The following POLR2I variants were observed in gnomAD, a reference collection of about 807,000 sequenced individuals.
The protein encoded by POLR2I is RNA polymerase II subunit I, also known as DNA-directed RNA polymerase II subunit RPB9.
POLR2I carries 15 observed loss-of-function variants against 23.0 expected under a neutral mutation model. That is an observed-to-expected ratio of 0.65 (90% CI 0.44 to 1.00). The LOEUF (loss-of-function observed/expected upper bound fraction) is 1.00, where lower values mean the gene tolerates loss of function less well. POLR2I is among the 50% of genes least tolerant of loss of function. POLR2I has a pLI of 0.00. For missense variants in POLR2I, 120 were observed against 173.7 expected, an observed-to-expected ratio of 0.69 and a Z score of 1.74; for synonymous variants, 72 against 65.4, an observed-to-expected ratio of 1.10 and a Z score of -0.49.
chr19:36,114,058 T>A lies in POLR2I; in HGVS notation c.272A>T (p.His91Leu). ...TGACTGGAAGAACACAGCCTCCTTGTGGCCGCACCTGAGAGGGTAGGGGCT... is the reference window on the plus strand; with the variant it reads ...TGACTGGAAGAACACAGCCTCCTTGAGGCCGCACCTGAGAGGGTAGGGGCT... ...TEDHPCQKCG[H>L]KEAVFFQSHS... is the part of the protein sequence containing the mutation. Residue 91 changes from histidine (H) to leucine (L), a missense_variant, in exon 5 of 6, where the codon CAC (histidine) becomes CTC (leucine). Physicochemically the swap from His to Leu is moderately conservative, Grantham distance 99. Transcript: ENST00000221859. This position sits in a 1 kb window ranked among gnomAD's most constrained non-coding sequence, Gnocchi z 4.5. 4 of 1,614,042 alleles carry A rather than the reference T, an allele frequency of 2.5e-6. No individual in the cohort carries two copies. Among genetic ancestry groups the A allele is most frequent in the Non-Finnish European group, 3.4e-6 (4 of 1,179,974 alleles).
chr19:36,114,766 C>A lies in POLR2I; in HGVS notation c.59+32G>T, dbSNP rs372170589. On this transcript the variant is annotated intron_variant, in intron 1 of 5. Coordinates refer to ENST00000221859, the MANE Select transcript of POLR2I (RefSeq NM_006233.5). This position sits in a 1 kb window ranked among gnomAD's most constrained non-coding sequence, Gnocchi z 4.5. The stretch of plus-strand genomic sequence containing the variant: ...TAGTTCTGGAGCCATTCCTCGCCCG[C>A]CTTCTAACATCACCCGCTCCCTCCG... 2 of 1,613,902 alleles carry A rather than the reference C, an allele frequency of 1.2e-6. No homozygotes were observed. The highest frequency in any genetic ancestry group is 1.7e-6 in the Non-Finnish European group (2 of 1,179,868).
In POLR2I at chr19:36,114,749, G is replaced by A. The variant is rs773509219; in HGVS notation, c.60-36C>T. 1 of 1,613,810 alleles carries A rather than the reference G, an allele frequency of 6.2e-7. No individual in the cohort carries two copies. Among genetic ancestry groups the A allele is most frequent in the Non-Finnish European group, 8.5e-7 (1 of 1,179,714 alleles). The stretch of plus-strand genomic sequence containing the variant: ...GGGGAGGTGCCAGGGGTTAGTTCTG[G>A]AGCCATTCCTCGCCCGCCTTCTAAC... On this transcript the variant is annotated intron_variant, in intron 1 of 5. Coordinates refer to ENST00000221859, the MANE Select transcript of POLR2I (RefSeq NM_006233.5). This position sits in a 1 kb window ranked among gnomAD's most constrained non-coding sequence, Gnocchi z 4.5.
rs1185365579 is a variant in POLR2I at position 36,114,584 on chromosome 19, G to A, written c.114+75C>T. 5.5e-6 allele frequency: 8 copies of A among 1,445,086 alleles called. No homozygotes were observed. The highest frequency in any genetic ancestry group is 1.4e-5 in the African/African-American group (1 of 71,906). 89.5% of individuals were successfully genotyped at this position (1,445,086 alleles called of 1,614,324 possible). On this transcript the variant is annotated intron_variant, in intron 2 of 5. Transcript: ENST00000221859. This position sits in a 1 kb window ranked among gnomAD's most constrained non-coding sequence, Gnocchi z 4.5. The stretch of plus-strand genomic sequence containing the variant: ...GCAGCGGAGGGCGAACAGGGAGTCC[G>A]ATCACAGAGGCAGGGGGCAGGGCGG...
At position 36,113,815 on chromosome 19, in the gene POLR2I, G is replaced by T; in HGVS notation, c.318C>A (p.Asp106Glu). 3 of 1,612,570 alleles carry T rather than the reference G, an allele frequency of 1.9e-6. No homozygotes were observed. Among genetic ancestry groups the T allele is most frequent in the Non-Finnish European group, 2.5e-6 (3 of 1,179,858 alleles). Reference protein sequence around the residue: ...FFQSHSARAEDAMRLYYVCTA... With the variant: ...FFQSHSARAEEAMRLYYVCTA... ...TGCACACGTAGTAAAGGCGCATGGCGTCCTGGCAGAAATGATGCATGGTTA... is the reference window on the plus strand; with the variant it reads ...TGCACACGTAGTAAAGGCGCATGGCTTCCTGGCAGAAATGATGCATGGTTA... The change falls in exon 6 of 6, where the codon GAC becomes GAA. Residue 106 changes from aspartate to glutamate, a missense_variant and splice_region_variant. Physicochemically the swap from Asp to Glu is conservative, Grantham distance 45. Coordinates refer to ENST00000221859, the MANE Select transcript of POLR2I (RefSeq NM_006233.5).
chr19:36,114,579 A>T lies in POLR2I; in HGVS notation c.114+80T>A. ...GAGGTGCAGCGGAGGGCGAACAGGG[A>T]GTCCGATCACAGAGGCAGGGGGCAG... On this transcript the variant is annotated intron_variant, in intron 2 of 5. Coordinates refer to ENST00000221859, the MANE Select transcript of POLR2I (RefSeq NM_006233.5). This position sits in a 1 kb window ranked among gnomAD's most constrained non-coding sequence, Gnocchi z 4.5. The T allele has an allele frequency of 7.1e-7, 1 of 1,406,198 alleles. No homozygotes were observed. The highest frequency in any genetic ancestry group is 1.2e-5 in the South Asian group (1 of 83,794). 87.1% of individuals were successfully genotyped at this position (1,406,198 alleles called of 1,614,324 possible).
chr19:36,114,456 TC>T lies in POLR2I; in HGVS notation c.115-45del. 1 of 1,579,876 alleles carries T rather than the reference TC, an allele frequency of 6.3e-7. No individual in the cohort carries two copies. Among genetic ancestry groups the T allele is most frequent in the Non-Finnish European group, 8.7e-7 (1 of 1,149,410 alleles). ...GGGGGAAAGGGGGTCACGGAAGGAT[TC>T]CAGACAAGATTGGGAGGAGAGGGCA... is the stretch of plus-strand genomic sequence containing the variant. On this transcript the variant is annotated intron_variant, in intron 2 of 5. Coordinates refer to ENST00000221859, the MANE Select transcript of POLR2I (RefSeq NM_006233.5). The surrounding 1 kb of genome is among the most constrained non-coding windows in gnomAD (Gnocchi z 4.5).
Position 36,114,859 on chromosome 19 carries a change from C to A in POLR2I, c.-3G>T. 6.2e-7 allele frequency: 1 copy of A among 1,613,252 alleles called. No individual in the cohort carries two copies. The highest frequency in any genetic ancestry group is 8.5e-7 in the Non-Finnish European group (1 of 1,179,954). On this transcript the variant is annotated 5_prime_UTR_variant, in exon 1 of 6. Coordinates refer to ENST00000221859, the MANE Select transcript of POLR2I (RefSeq NM_006233.5). The surrounding 1 kb of genome is among the most constrained non-coding windows in gnomAD (Gnocchi z 4.5). The stretch of plus-strand genomic sequence containing the variant: ...TCGTAAGTCCCGTCGGGCTCCATGG[C>A]GACGCGCAGCCCGCGCAGCCCTCCC...
At position 36,114,268 on chromosome 19, in the gene POLR2I, G is replaced by C. The variant is rs777495378; in HGVS notation, c.189-17C>G. ...GTCAGTTCGCTGCAGGGACGCGGGG[G>C]TGCAAAATTACGCTCAGACCCAGCC... On this transcript the variant is annotated splice_polypyrimidine_tract_variant and intron_variant, in intron 3 of 5. Coordinates refer to ENST00000221859, the MANE Select transcript of POLR2I (RefSeq NM_006233.5). This position sits in a 1 kb window ranked among gnomAD's most constrained non-coding sequence, Gnocchi z 4.5. 6.2e-7 allele frequency: 1 copy of C among 1,613,982 alleles called. No homozygotes were observed. Among genetic ancestry groups the C allele is most frequent in the Admixed American group, 1.7e-5 (1 of 60,006 alleles).
rs1199879280 is a variant in POLR2I, at chr19:36,114,511, ACT to A, written c.115-101_115-100del. 3.7e-6 allele frequency: 5 copies of A among 1,352,864 alleles called. No individual in the cohort carries two copies. Among genetic ancestry groups the A allele is most frequent in the African/African-American group, 1.4e-5 (1 of 69,756 alleles). The allele number at this position is 1,352,864 out of a possible 1,614,324, so 83.8% of individuals were successfully genotyped here. On this transcript the variant is annotated intron_variant, in intron 2 of 5. Transcript: ENST00000221859. This position sits in a 1 kb window ranked among gnomAD's most constrained non-coding sequence, Gnocchi z 4.5. ...TGATCCCGGAGGATATGACGACAGG[ACT>A]CTCTTTGGGGATGGGCAGGACATGA...
rs202044151 is a variant in POLR2I, at chr19:36,114,610, G to C, written c.114+49C>G. On this transcript the variant is annotated intron_variant, in intron 2 of 5. Coordinates refer to ENST00000221859, the MANE Select transcript of POLR2I (RefSeq NM_006233.5). The surrounding 1 kb of genome is among the most constrained non-coding windows in gnomAD (Gnocchi z 4.5). ...ATCACAGAGGCAGGGGGCAGGGCGG[G>C]GCCACGCTGGGAACAGGTGGACCTG... The C allele has an allele frequency of 2.5e-5, 39 of 1,560,466 alleles. No homozygotes were observed. The highest frequency in any genetic ancestry group is 1.9e-4 in the Admixed American group (11 of 58,896).
chr19:36,114,496 G>A lies in POLR2I; in HGVS notation c.115-84C>T. 3 of 1,405,070 alleles carry A rather than the reference G, an allele frequency of 2.1e-6. No homozygotes were observed. Among genetic ancestry groups the A allele is most frequent in the Non-Finnish European group, 3.0e-6 (3 of 994,496 alleles). 87.0% of individuals were successfully genotyped at this position (1,405,070 alleles called of 1,614,324 possible). A position where few individuals can be genotyped will look rare whatever the true frequency, so the allele number is the denominator to read the frequency against. On this transcript the variant is annotated intron_variant, in intron 2 of 5. Transcript: ENST00000221859. The surrounding 1 kb of genome is among the most constrained non-coding windows in gnomAD (Gnocchi z 4.5). ...GAGGAGAGGGCAGGGTGATCCCGGAGGATATGACGACAGGACTCTCTTTGG... is the reference window on the plus strand; with the variant it reads ...GAGGAGAGGGCAGGGTGATCCCGGAAGATATGACGACAGGACTCTCTTTGG...
Position 36,114,395 on chromosome 19 carries a change from G to A in POLR2I, c.132C>T (p.Tyr44=). 2 of 1,614,046 alleles carry A rather than the reference G, an allele frequency of 1.2e-6. No homozygotes were observed. Among genetic ancestry groups the A allele is most frequent in the Non-Finnish European group, 1.7e-6 (2 of 1,179,982 alleles). Residue 44 remains tyrosine (Y), a synonymous_variant, in exon 3 of 6, where the codon TAC becomes TAT. Coordinates refer to ENST00000221859, the MANE Select transcript of POLR2I (RefSeq NM_006233.5). This position sits in a 1 kb window ranked among gnomAD's most constrained non-coding sequence, Gnocchi z 4.5. ...TGCAGCTGTTGTCGGCCTCCTGCTGGTAATCACAGTTCCGGCACTACGAGA... is the reference window on the plus strand; with the variant it reads ...TGCAGCTGTTGTCGGCCTCCTGCTGATAATCACAGTTCCGGCACTACGAGA... ...ILLYACRNCD[Y]QQEADNSCIY... is the part of the protein sequence containing the mutation.
Position 36,114,724 on chromosome 19 carries a change from G to C in POLR2I, c.60-11C>G. The C allele has an allele frequency of 1.2e-6, 2 of 1,613,346 alleles. No individual in the cohort carries two copies. The highest frequency in any genetic ancestry group is 1.7e-6 in the Non-Finnish European group (2 of 1,179,318). On this transcript the variant is annotated splice_polypyrimidine_tract_variant and intron_variant, in intron 1 of 5. Coordinates refer to ENST00000221859, the MANE Select transcript of POLR2I (RefSeq NM_006233.5). This position sits in a 1 kb window ranked among gnomAD's most constrained non-coding sequence, Gnocchi z 4.5. ...TACAGCATGTTGTTACTGTGGGGAG[G>C]GGGAGGTGCCAGGGGTTAGTTCTGG...
Position 36,114,621 on chromosome 19 carries a change from G to T in POLR2I, c.114+38C>A, listed in dbSNP as rs373659436. On this transcript the variant is annotated intron_variant, in intron 2 of 5. Coordinates refer to ENST00000221859, the MANE Select transcript of POLR2I (RefSeq NM_006233.5). This position sits in a 1 kb window ranked among gnomAD's most constrained non-coding sequence, Gnocchi z 4.5. ...AGGGGGCAGGGCGGGGCCACGCTGGGAACAGGTGGACCTGCCGGGGAAGAC... is the reference window on the plus strand; with the variant it reads ...AGGGGGCAGGGCGGGGCCACGCTGGTAACAGGTGGACCTGCCGGGGAAGAC... The T allele has an allele frequency of 3.8e-5, 61 of 1,584,446 alleles. No individual in the cohort carries two copies. The African/African-American group carries it at 6.0e-4, about 16-fold the overall frequency.
At chr19:36,113,911 C>G in intron 5 of POLR2I, 94 bp from the exon 6 acceptor site, 14 of 1,575,780 alleles carry the variant, frequency 8.9e-6, no homozygotes, top group Non-Finnish European at 1.2e-5. Flanking sequence ...TAGGTAAGGG[C>G]CCGGCAGAGT....
rs1235321687 is a variant in POLR2I at position 36,113,761 on chromosome 19, G to C, written c.372C>G (p.Thr124=). The change falls in exon 6 of 6, where the codon ACC becomes ACG. Residue 124 remains threonine, a synonymous_variant. Coordinates refer to ENST00000221859, the MANE Select transcript of POLR2I (RefSeq NM_006233.5). ...CTAPHCGHRW[T]E ...ACTCGGGGGAGAGAGGAGGTCACTC[G>C]GTCCAGCGGTGGCCGCAGTGTGGGG... is the stretch of plus-strand genomic sequence containing the variant. The C allele has an allele frequency of 6.2e-7, 1 of 1,613,478 alleles. No individual in the cohort carries two copies. The highest frequency in any genetic ancestry group is 1.3e-5 in the African/African-American group (1 of 74,928).
Position 36,114,657 on chromosome 19 carries a change from A to C in POLR2I, c.114+2T>G. On this transcript the variant is annotated splice_donor_variant, in intron 2 of 5. Transcript: ENST00000221859. LOFTEE classifies it high-confidence loss of function. This position sits in a 1 kb window ranked among gnomAD's most constrained non-coding sequence, Gnocchi z 4.5. ...CCTGCCGGGGAAGACCCCGGCGCTC[A>C]CCGCGTAGAGCAGAATGCGGTTCTC... 1 of 1,605,400 alleles carries C rather than the reference A, an allele frequency of 6.2e-7. No homozygotes were observed. Among genetic ancestry groups the C allele is most frequent in the Non-Finnish European group, 8.5e-7 (1 of 1,173,082 alleles).
chr19:36,113,967 A>G, intron 5 of POLR2I, 48 bp downstream of exon 5: 1 of 1,604,198 alleles, frequency 6.2e-7, no homozygotes, highest in Non-Finnish European at 8.5e-7. Context: ...CGCCCCCAGA[A>G]AGGACCAAAC....
rs1486816749 is a variant in POLR2I, at chr19:36,114,095, G to A, written c.264-29C>T. On this transcript the variant is annotated intron_variant, in intron 4 of 5. Coordinates refer to ENST00000221859, the MANE Select transcript of POLR2I (RefSeq NM_006233.5). The surrounding 1 kb of genome is among the most constrained non-coding windows in gnomAD (Gnocchi z 4.5). The stretch of plus-strand genomic sequence containing the variant: ...AGAGGGTAGGGGCTCGGTCACCGGA[G>A]GCTTCACACCCTTCCCTCCTCCCTT... 13 of 1,613,854 alleles carry A rather than the reference G, an allele frequency of 8.1e-6. No homozygotes were observed. Among genetic ancestry groups the A allele is most frequent in the South Asian group, 1.1e-5 (1 of 91,082 alleles).
Sources: gnomAD v4.1 joint callset for allele counts on GRCh38, gnomAD v4.1.1 for gene constraint, Gnocchi (gnomAD v3.1) non-coding constraint, MANE v1.5 for transcripts, NCBI Gene and HGNC (gene_info 2026-07-23, HGNC 2026-07-21) for gene names.